Variants in FAM53A observed in about 807,000 individuals in gnomAD.
FAM53A encodes the protein family with sequence similarity 53 member A, also known as protein FAM53A.
FAM53A carries 28 observed loss-of-function variants against 26.6 expected under a neutral mutation model. That is an observed-to-expected ratio of 1.05 (90% CI 0.78 to 1.45). FAM53A has a LOEUF of 1.45. Among genes scored for constraint, FAM53A ranks in the 40% most tolerant of loss-of-function variants. The pLI is 0.00. For synonymous variants in FAM53A, 290 were observed against 253.1 expected (o/e 1.15, Z -1.38); for missense variants, 650 against 575.8 (o/e 1.13, Z -1.32).
At chr4:1,578,681 A>C in the FAM53A span, among the ~76,000 whole-genome samples, 32 of 148,754 alleles carry the variant, frequency 2.2e-4, no homozygotes, top group African/African-American at 7.5e-4. Context: ...CGCCCTCTGC[A>C]GACAACGAGG....
rs768342449 is a variant in FAM53A, at chr4:1,644,171, G to A, written c.883-2564C>T. On this transcript the variant is annotated intron_variant, in intron 4 of 4. Transcript: ENST00000308132. ...GGCTGCACTACACACGCACCGGGGT[G>A]GCGGGGACGCTACGCACCTTCAGGG... The A allele has an allele frequency of 2.6e-6, 4 of 1,534,392 alleles. No individual in the cohort carries two copies. In the South Asian group the frequency reaches 4.8e-5, roughly 18 times the overall value.
At chr4:1,594,060 C>T in the FAM53A span, among the ~76,000 whole-genome samples, 11 of 151,734 alleles carry the variant, frequency 7.2e-5, no homozygotes, top group Non-Finnish European at 1.2e-4. Context: ...GAGCAGAGAC[C>T]GCTGCAGGGA....
chr4:1,618,197 CAGTG>C, intron 1 of FAM53A: 1 of 455,326 alleles, frequency 2.2e-6, no homozygotes, highest in South Asian at 1.6e-5. Context: ...CTCGCAGAGA[CAGTG>C]AGGCTGGCCT....
At chr4:1,580,529 C>CTCCACCCGCCTCCCCAGACCCCA in the FAM53A span, among the ~76,000 whole-genome samples, 3 of 111,610 alleles carry the variant, frequency 2.7e-5, no homozygotes, top group Non-Finnish European at 3.8e-5. Context: ...CCCGCCCGGA[C>CTCCACCCGCCTCCCCAGACCCCA]CCCGCCTCCA....
intron 1 of FAM53A, among the ~76,000 whole-genome samples, chr4:1,679,078 A>C (rs1006653166): frequency 6.6e-6 from 1 of 152,206 alleles, no homozygotes; most frequent in Non-Finnish European, 1.5e-5. Flanking sequence ...CAAGAGAATA[A>C]AAAACAGTTC....
chr4:1,623,299 C>G (rs1168659747), intron 1 of FAM53A, among the ~76,000 whole-genome samples: 1 of 151,956 alleles, frequency 6.6e-6, no homozygotes, highest in Non-Finnish European at 1.5e-5. Flanking sequence ...CTGGGCAGCA[C>G]CTTCCTCAGG....
rs143951966 is a variant in FAM53A, at chr4:1,632,407, G to C, written c.432-14296C>G. On this transcript the variant is annotated intron_variant, in intron 1 of 1. Transcript: ENST00000489029. ...GTGGCCCTCCTGATGCTTCCATCTC[G>C]GACTTCCAGCCTCCAGAACTGGGAG... 3.7e-4 allele frequency among the ~76,000 whole-genome samples: 57 copies of C among 152,128 alleles called. No individual in the cohort carries two copies. The East Asian group carries it at 0.01, about 27-fold the overall frequency.
the FAM53A span, among the ~76,000 whole-genome samples, chr4:1,576,985 C>G: frequency 6.6e-6 from 1 of 151,326 alleles, no homozygotes; most frequent in Non-Finnish European, 1.5e-5. Flanking sequence ...CCCTCCCACA[C>G]TGCACACTGT....
chr4:1,654,865 A>G, intron 4 of FAM53A, 113 bp downstream of exon 4: 1 of 1,391,532 alleles, frequency 7.2e-7, no homozygotes, highest in Non-Finnish European at 9.5e-7. Flanking sequence ...CCCAGCCCAG[A>G]GAAGACCAGC....
In FAM53A at chr4:1,626,310, C is replaced by T. The variant is rs569466401; in HGVS notation, c.432-8199G>A. Among the ~76,000 whole-genome samples the T allele has an allele frequency of 2.0e-5, 3 of 152,350 alleles. No individual in the cohort carries two copies. In the East Asian group the frequency reaches 5.8e-4, roughly 29 times the overall value. On this transcript the variant is annotated intron_variant, in intron 1 of 1. Transcript: ENST00000489029. ...GACGGTGGCCGTCACGAGCCGTCCA[C>T]GTGGGCTTTCCTTCCACAGCATCTC...
chr4:1,608,899 G>C, the FAM53A span, among the ~76,000 whole-genome samples: 1 of 152,132 alleles, frequency 6.6e-6, no homozygotes, highest in African/African-American at 2.4e-5. Context: ...CTTACGGGAC[G>C]GAGGGCGCCA....
chr4:1,574,783 T>A, the FAM53A span, among the ~76,000 whole-genome samples: 1 of 152,058 alleles, frequency 6.6e-6, no homozygotes, highest in African/African-American at 2.4e-5. Flanking sequence ...CGGCAGGTGG[T>A]CAGCGGGCGG....
At chr4:1,651,860 G>A (rs913792640) in intron 4 of FAM53A, among the ~76,000 whole-genome samples, 3 of 151,710 alleles carry the variant, frequency 2.0e-5, no homozygotes, top group East Asian at 1.9e-4. Flanking sequence ...GATGCCCCGC[G>A]CAGCCCCAGT....
At chr4:1,657,366 AG>A in intron 3 of FAM53A, 41 bp downstream of exon 3, 9 of 1,585,984 alleles carry the variant, frequency 5.7e-6, no homozygotes, top group Non-Finnish European at 7.8e-6. Context: ...GCCCAGTCCC[AG>A]CCCTGCTCAG....
In FAM53A at chr4:1,628,015, C is replaced by T. The variant is rs1715385248; in HGVS notation, c.432-9904G>A. Among the ~76,000 whole-genome samples, 6 of 133,284 alleles carry T rather than the reference C, an allele frequency of 4.5e-5. No homozygotes were observed. The South Asian group carries it at 1.3e-3, about 29-fold the overall frequency. 87.4% of individuals were successfully genotyped at this position (133,284 alleles called of 152,430 possible). A position where few individuals can be genotyped will look rare whatever the true frequency, so the allele number is the denominator to read the frequency against. ...ATAGGCCCTGGGGTCAACCCACATG[C>T]ACCTGGGTGGGGAGGGTGGCACGGG... is the stretch of plus-strand genomic sequence containing the variant. On this transcript the variant is annotated intron_variant, in intron 1 of 1. Transcript: ENST00000489029.
chr4:1,595,221 C>G, the FAM53A span, among the ~76,000 whole-genome samples: 6 of 152,226 alleles, frequency 3.9e-5, no homozygotes, highest in Admixed American at 2.6e-4. Context: ...CCTCCAGGCT[C>G]TGGACGGCCA....
At chr4:1,682,416 C>G (rs1048928560) in intron 1 of FAM53A, among the ~76,000 whole-genome samples, 2 of 151,934 alleles carry the variant, frequency 1.3e-5, no homozygotes, top group African/African-American at 2.4e-5. Flanking sequence ...GCACGCACCA[C>G]CACACCCAGT....
intron 4 of FAM53A, chr4:1,644,313 G>A (rs746248273): frequency 7.2e-6 from 11 of 1,535,872 alleles, no homozygotes; most frequent in Non-Finnish European, 9.6e-6. Flanking sequence ...CTCGGACGCG[G>A]GACTCGCACT....
chr4:1,607,405 G>A, the FAM53A span, among the ~76,000 whole-genome samples: 4 of 151,570 alleles, frequency 2.6e-5, no homozygotes, highest in Admixed American at 6.6e-5. Flanking sequence ...ACGTGCGTGC[G>A]TACACAAAAG....
Sources: gnomAD v4.1 joint callset for allele counts (sites outside exome capture counted in the v4.1 genomes callset) on GRCh38, gnomAD v4.1.1 for gene constraint, MANE v1.5 for transcripts, NCBI Gene and HGNC (gene_info 2026-07-23, HGNC 2026-07-21) for gene names.